The following SGCZ variants were observed in gnomAD, a reference collection of about 807,000 sequenced individuals.
SGCZ encodes the protein zeta-sarcoglycan.
Under a neutral mutation model 41.3 loss-of-function variants are expected in SGCZ, and 40 were observed. The observed-to-expected ratio is 0.97, with a 90% CI of 0.75 to 1.26. The LOEUF (loss-of-function observed/expected upper bound fraction) is 1.26. Ranked by LOEUF, SGCZ falls within the 50% of genes most tolerant of loss-of-function variation. The probability of loss-of-function intolerance (pLI) is 0.00; values close to 1 mark genes in which losing one functional copy is unlikely to be tolerated. For synonymous variants in SGCZ, 206 were observed against 137.5 expected, an observed-to-expected ratio of 1.50 and a Z score of -3.49; for missense variants, 552 against 369.8, an observed-to-expected ratio of 1.49 and a Z score of -4.04.
At chr8:14,360,420 G>A (rs937657789) in intron 2 of SGCZ, among the ~76,000 whole-genome samples, 1 of 151,686 alleles carries the variant, frequency 6.6e-6, no homozygotes, top group Non-Finnish European at 1.5e-5. Flanking sequence ...CCGCCTCCTA[G>A]GTTCAACTGA....
chr8:14,242,383 G>C (rs990001093), intron 3 of SGCZ, among the ~76,000 whole-genome samples: 1 of 152,126 alleles, frequency 6.6e-6, no homozygotes, highest in Admixed American at 6.5e-5. Context: ...CATCCACGAA[G>C]GGTCAAGATA....
chr8:14,334,073 G>T (rs1340426195), intron 2 of SGCZ, among the ~76,000 whole-genome samples: 2 of 151,956 alleles, frequency 1.3e-5, no homozygotes, highest in African/African-American at 2.4e-5. Context: ...GCAAATATTT[G>T]TCTGTTACTA....
At chr8:15,112,708 C>A (rs1156961670) in intron 1 of SGCZ, among the ~76,000 whole-genome samples, 1 of 152,208 alleles carries the variant, frequency 6.6e-6, no homozygotes, top group Non-Finnish European at 1.5e-5. Context: ...TCCCAGCCCA[C>A]ATCCTCAAGT....
At chr8:14,224,727 T>C (rs1806314680) in intron 4 of SGCZ, among the ~76,000 whole-genome samples, 1 of 152,140 alleles carries the variant, frequency 6.6e-6, no homozygotes, top group Admixed American at 6.6e-5. Context: ...CATAGCAAAG[T>C]AGAGAATGGA....
In SGCZ at chr8:14,904,445, A is replaced by T. The variant is rs916902778; in HGVS notation, c.39+333140T>A. On this transcript the variant is annotated intron_variant, in intron 1 of 7. Coordinates refer to ENST00000382080, the MANE Select transcript of SGCZ (RefSeq NM_139167.4). ...AGAATACACGAACTTATTTCTGTAAACTAGAAGCATAATTTTACCTTTATG... is the reference window on the plus strand; with the variant it reads ...AGAATACACGAACTTATTTCTGTAATCTAGAAGCATAATTTTACCTTTATG... 6.6e-5 allele frequency among the ~76,000 whole-genome samples: 10 copies of T among 152,092 alleles called. No individual in the cohort carries two copies. The East Asian group carries it at 1.9e-3, about 29-fold the overall frequency.
At chr8:14,313,349 G>A (rs7011894) in intron 3 of SGCZ, among the ~76,000 whole-genome samples, 7,879 of 152,114 alleles carry the variant, frequency 0.052, 622 homozygotes, top group African/African-American at 0.17. Flanking sequence ...ACACAGACTC[G>A]CTCTCCCAGG....
intron 1 of SGCZ, among the ~76,000 whole-genome samples, chr8:14,612,719 C>G (rs1805969570): frequency 6.6e-6 from 1 of 152,046 alleles, no homozygotes; most frequent in African/African-American, 2.4e-5. Context: ...AAGACTCTCA[C>G]TCTGTAGCCC....
chr8:14,952,027 C>T (rs1800656971), intron 1 of SGCZ, among the ~76,000 whole-genome samples: 2 of 152,000 alleles, frequency 1.3e-5, no homozygotes, highest in South Asian at 4.2e-4. Context: ...TGATACTCAC[C>T]TGGTGTTCAC....
At chr8:14,606,551 C>G (rs1041888241) in intron 1 of SGCZ, among the ~76,000 whole-genome samples, 8 of 152,178 alleles carry the variant, frequency 5.3e-5, no homozygotes, top group African/African-American at 1.9e-4. Flanking sequence ...ACTATATCAA[C>G]CAAATCAGTC....
intron 1 of SGCZ, among the ~76,000 whole-genome samples, chr8:15,216,227 T>C (rs1801396450): frequency 6.8e-6 from 1 of 147,460 alleles, no homozygotes; most frequent in African/African-American, 2.5e-5. Flanking sequence ...TTTTTTCTTT[T>C]TTTTTTTTTT....
At chr8:14,886,824 G>C (rs1804824920) in intron 1 of SGCZ, among the ~76,000 whole-genome samples, 1 of 152,120 alleles carries the variant, frequency 6.6e-6, no homozygotes, top group South Asian at 2.1e-4. Flanking sequence ...CTGGGGTGGA[G>C]CAGACTAAAG....
intron 1 of SGCZ, among the ~76,000 whole-genome samples, chr8:14,649,525 A>G (rs1807329269): frequency 6.6e-6 from 1 of 151,452 alleles, no homozygotes; most frequent in Admixed American, 6.6e-5. Flanking sequence ...CAACGGAAGG[A>G]GCCTGTATCT....
intron 5 of SGCZ, among the ~76,000 whole-genome samples, chr8:14,110,944 C>G (rs967968858): frequency 3.3e-5 from 5 of 151,982 alleles, no homozygotes; most frequent in Non-Finnish European, 5.9e-5. Context: ...GTCCCAGCTG[C>G]TTGGGAGGCT....
intron 1 of SGCZ, among the ~76,000 whole-genome samples, chr8:15,117,423 G>A (rs754351323): frequency 2.0e-5 from 3 of 151,994 alleles, no homozygotes; most frequent in Non-Finnish European, 4.4e-5. Flanking sequence ...ACTTCTTAAA[G>A]CAAATATTAT....
In SGCZ at chr8:14,876,677, G is replaced by T. The variant is rs146504663; in HGVS notation, c.40-321751C>A. Among the ~76,000 whole-genome samples the T allele has an allele frequency of 8.2e-3, 1,250 of 152,300 alleles. 6 individuals are homozygous for T. The highest frequency in any genetic ancestry group is 0.027 in the Middle Eastern group (8 of 294). ...TTAAATGGTACAAGGTGCCAATAAA[G>T]TTATTGACACAAATAGTGAGTAACT... On this transcript the variant is annotated intron_variant, in intron 1 of 7. Coordinates refer to ENST00000382080, the MANE Select transcript of SGCZ (RefSeq NM_139167.4).
chr8:15,126,192 G>A (rs1042116944), intron 1 of SGCZ, among the ~76,000 whole-genome samples: 1 of 152,088 alleles, frequency 6.6e-6, no homozygotes, highest in African/African-American at 2.4e-5. Flanking sequence ...GACTGAAGTA[G>A]ATGAATTAAA....
intron 1 of SGCZ, among the ~76,000 whole-genome samples, chr8:14,770,501 C>G (rs529024861): frequency 6.6e-6 from 1 of 151,726 alleles, no homozygotes; most frequent in South Asian, 2.1e-4. Flanking sequence ...ATATTATAAA[C>G]TATATTAAAT....
intron 1 of SGCZ, among the ~76,000 whole-genome samples, chr8:14,922,498 A>C (rs1585381630): frequency 6.6e-6 from 1 of 152,008 alleles, no homozygotes; most frequent in Admixed American, 6.6e-5. Flanking sequence ...CTTGTTGCCC[A>C]GGCTGGAGTG....
chr8:14,376,115 C>G (rs560532372), intron 2 of SGCZ, among the ~76,000 whole-genome samples: 1 of 152,062 alleles, frequency 6.6e-6, no homozygotes, highest in African/African-American at 2.4e-5. Context: ...AGTTCGAGAC[C>G]AGACTGGCCA....
Sources: gnomAD v4.1 joint callset for allele counts (sites outside exome capture counted in the v4.1 genomes callset) on GRCh38, gnomAD v4.1.1 for gene constraint, MANE v1.5 for transcripts, NCBI Gene and HGNC (gene_info 2026-07-23, HGNC 2026-07-21) for gene names.